Variants in PCDHA4 observed in about 807,000 individuals in gnomAD.
PCDHA4 encodes protocadherin alpha 4.
A neutral mutation model predicts 61.4 loss-of-function variants in PCDHA4; 49 were observed. That is an observed-to-expected ratio of 0.80 (90% confidence interval 0.63 to 1.01). PCDHA4 has a LOEUF of 1.01. Ranked by LOEUF, PCDHA4 falls within the 50% of genes least tolerant of loss-of-function variation. The probability of loss-of-function intolerance (pLI) is 0.00; values close to 1 mark genes in which losing one functional copy is unlikely to be tolerated. For synonymous variants in PCDHA4, 590 were observed against 550.3 expected (o/e 1.07, Z -1.01); for missense variants, 1,254 against 1,235.8 (o/e 1.01, Z -0.22).
chr5:140,888,980 G>A (rs1429569959), intron 1 of PCDHA4, among the ~76,000 whole-genome samples: 2 of 152,022 alleles, frequency 1.3e-5, no homozygotes, highest in Non-Finnish European at 2.9e-5. Context: ...TTGAATTTAT[G>A]ATTTATGATT....
chr5:140,952,010 C>A (rs1188540877), intron 1 of PCDHA4, among the ~76,000 whole-genome samples: 2 of 152,128 alleles, frequency 1.3e-5, no homozygotes, highest in Non-Finnish European at 2.9e-5. Flanking sequence ...GAATTATAGG[C>A]CCCATGCAAG....
At chr5:140,910,523 T>TC (rs2153515069) in intron 1 of PCDHA4, among the ~76,000 whole-genome samples, 1 of 152,338 alleles carries the variant, frequency 6.6e-6, no homozygotes, top group African/African-American at 2.4e-5. Flanking sequence ...ATGCAGGTAC[T>TC]CCCCTCACAA....
intron 1 of PCDHA4, among the ~76,000 whole-genome samples, chr5:140,952,513 A>G (rs533436826): frequency 6.6e-6 from 1 of 152,028 alleles, no homozygotes; most frequent in Non-Finnish European, 1.5e-5. Flanking sequence ...CCTCATCTCC[A>G]TCTGAGACCT....
chr5:140,993,134 A>G (rs2097542279), intron 3 of PCDHA4, among the ~76,000 whole-genome samples: 1 of 152,238 alleles, frequency 6.6e-6, no homozygotes, highest in African/African-American at 2.4e-5. Flanking sequence ...CTTCTGTTGC[A>G]ACAAGTATAA....
intron 1 of PCDHA4, among the ~76,000 whole-genome samples, chr5:140,879,217 G>A (rs1163771659): frequency 6.6e-6 from 1 of 152,164 alleles, no homozygotes; most frequent in African/African-American, 2.4e-5. Context: ...GAAATGAATT[G>A]AAAAAGACAT....
intron 1 of PCDHA4, chr5:140,835,006 T>A: frequency 7.2e-7 from 1 of 1,393,804 alleles, no homozygotes; most frequent in Non-Finnish European, 9.7e-7. Context: ...ACTCCGGAGC[T>A]TCATTTATTG....
intron 1 of PCDHA4, chr5:140,829,202 C>T (rs2150163765): frequency 5.0e-6 from 8 of 1,614,106 alleles, no homozygotes; most frequent in Non-Finnish European, 3.4e-6. Context: ...TGTCATCGCC[C>T]TAATTAGCGT....
intron 1 of PCDHA4, chr5:140,821,740 A>G: frequency 6.4e-7 from 1 of 1,551,082 alleles, no homozygotes. Context: ...TTGTGTGGTG[A>G]TGCAATAGAA....
At chr5:140,883,615 C>A in intron 1 of PCDHA4, 2 of 1,613,938 alleles carry the variant, frequency 1.2e-6, no homozygotes, top group East Asian at 2.2e-5. Flanking sequence ...CCGACGTGAA[C>A]GACAACGCGC....
At chr5:140,873,395 C>T (rs1376459228) in intron 1 of PCDHA4, among the ~76,000 whole-genome samples, 1 of 152,094 alleles carries the variant, frequency 6.6e-6, no homozygotes, top group African/African-American at 2.4e-5. Context: ...GGAATGTTTT[C>T]AGTACAGGTT....
intron 1 of PCDHA4, chr5:140,856,875 T>C (rs782182859): frequency 1.3e-6 from 2 of 1,595,778 alleles, no homozygotes; most frequent in Non-Finnish European, 1.7e-6. Flanking sequence ...AACAAGGAAA[T>C]GATGTATTCA....
At chr5:140,858,082 G>T (rs1554151130) in intron 1 of PCDHA4, 2 of 1,597,718 alleles carry the variant, frequency 1.3e-6, no homozygotes, top group East Asian at 2.2e-5. Flanking sequence ...CCAAGGCCTC[G>T]TCGCGGGCTT....
intron 1 of PCDHA4, chr5:140,848,409 C>A: frequency 7.4e-7 from 1 of 1,356,090 alleles, no homozygotes; most frequent in Non-Finnish European, 1.0e-6. Flanking sequence ...CGATGGCGAA[C>A]ACAGCAGAAT....
intron 1 of PCDHA4, chr5:140,856,729 G>T: frequency 1.3e-6 from 2 of 1,595,560 alleles, no homozygotes; most frequent in East Asian, 2.2e-5. Flanking sequence ...CTGTTTCTCT[G>T]CTGATCCTGG....
At chr5:140,855,049 C>A (rs188702829) in intron 1 of PCDHA4, among the ~76,000 whole-genome samples, 1 of 149,704 alleles carries the variant, frequency 6.7e-6, no homozygotes, top group Admixed American at 6.7e-5. Flanking sequence ...TGTAATAGTA[C>A]TTTTCTGTTT....
chr5:140,907,408 C>T (rs2073363118), intron 1 of PCDHA4, among the ~76,000 whole-genome samples: 1 of 152,118 alleles, frequency 6.6e-6, no homozygotes. Flanking sequence ...TGTGGAATAC[C>T]ACGATGGTGG....
intron 1 of PCDHA4, chr5:140,849,490 G>A: frequency 6.3e-7 from 1 of 1,592,564 alleles, no homozygotes; most frequent in African/African-American, 1.4e-5. Context: ...CCCCTGGCTG[G>A]TCATTGTACA....
chr5:140,942,115 A>T (rs1440934670), intron 1 of PCDHA4, among the ~76,000 whole-genome samples: 2 of 152,232 alleles, frequency 1.3e-5, no homozygotes, highest in Non-Finnish European at 2.9e-5. Flanking sequence ...ATCAAACTTT[A>T]TTAAAGGTGA....
intron 3 of PCDHA4, among the ~76,000 whole-genome samples, chr5:140,988,459 G>A (rs1554250155): frequency 6.6e-6 from 1 of 152,152 alleles, no homozygotes; most frequent in Admixed American, 6.5e-5. Context: ...AGGAAGCAAG[G>A]GTGTGGGAAG....
Sources: allele counts gnomAD v4.1 joint callset (sites outside exome capture counted in the v4.1 genomes callset), GRCh38; gene constraint gnomAD v4.1.1; transcripts MANE v1.5; gene names NCBI Gene and HGNC (gene_info 2026-07-23, HGNC 2026-07-21).